The following MYH3 variants were observed in gnomAD, a reference collection of about 807,000 sequenced individuals.
The protein encoded by MYH3 is myosin heavy chain 3.
In MYH3, 130 loss-of-function variants were observed where a neutral mutation model predicts 238.0. The ratio of observed to expected loss-of-function variants is 0.55; its 90% CI spans 0.47 to 0.63. The LOEUF (loss-of-function observed/expected upper bound fraction) is 0.63. Ranked by LOEUF, MYH3 falls within the 30% of genes least tolerant of loss-of-function variation. The pLI is 0.00. For missense variants in MYH3, 1,853 were observed against 2,374.9 expected (o/e 0.78, Z 4.57); for synonymous variants, 880 against 924.1 (o/e 0.95, Z 0.86).
At chr17:10,635,618 T>C in intron 29 of MYH3, 55 bp from the exon 30 acceptor site, 2 of 1,614,112 alleles carry the variant, frequency 1.2e-6, no homozygotes, top group Non-Finnish European at 1.7e-6. Context: ...AGGTGCATGA[T>C]ACAATCCAAG....
At chr17:10,663,254 G>A in the MYH3 span, among the ~76,000 whole-genome samples, 1 of 152,138 alleles carries the variant, frequency 6.6e-6, no homozygotes, top group Admixed American at 6.6e-5. Context: ...AGTGAGAAGA[G>A]GCAGACATAT....
At chr17:10,656,684 T>C (rs939034777) in intron 1 of MYH3, among the ~76,000 whole-genome samples, 2 of 152,218 alleles carry the variant, frequency 1.3e-5, no homozygotes, top group African/African-American at 4.8e-5. Flanking sequence ...CAGCCTGCAC[T>C]GGCACCTTCT....
At chr17:10,671,402 G>A in the MYH3 span, among the ~76,000 whole-genome samples, 6 of 151,956 alleles carry the variant, frequency 3.9e-5, no homozygotes, top group South Asian at 2.1e-4. Flanking sequence ...ACATTCCATC[G>A]CTTTCCATGT....
the MYH3 span, chr17:10,677,649 GC>G: frequency 4.6e-5 from 7 of 152,276 alleles, no homozygotes; most frequent in East Asian, 7.7e-4. Context: ...TAAGATATCA[GC>G]TGCTTCATGA....
At chr17:10,660,656 G>A (rs375646291), upstream of MYH3, among the ~76,000 whole-genome samples, 256 of 136,370 alleles carry the variant, frequency 1.9e-3, 1 homozygote, top group African/African-American at 5.7e-3. Context: ...CAGGCTGGGC[G>A]ACAGAGTGAG....
At chr17:10,666,222 A>C in the MYH3 span, among the ~76,000 whole-genome samples, 1 of 152,244 alleles carries the variant, frequency 6.6e-6, no homozygotes, top group Non-Finnish European at 1.5e-5. Context: ...TAAAATAAAA[A>C]ACAATAGATA....
chr17:10,646,694 T>C (rs567247478), intron 10 of MYH3, among the ~76,000 whole-genome samples: 2 of 152,324 alleles, frequency 1.3e-5, no homozygotes, highest in South Asian at 2.1e-4. Context: ...TTGCCCTCCA[T>C]TTGATTAGGT....
At chr17:10,635,264 C>T in intron 30 of MYH3, 103 bp downstream of exon 30, 2 of 1,581,544 alleles carry the variant, frequency 1.3e-6, no homozygotes, top group East Asian at 4.5e-5. Context: ...TGGCCCAGCA[C>T]CGCATTTAAA....
In MYH3 at chr17:10,628,566, G is replaced by A; in HGVS notation, c.*87C>T. ...AGCAAAGTTTATTGCATGTGAAAAA[G>A]AGTCACATGGACATTAAGTATCAAT... On this transcript the variant is annotated 3_prime_UTR_variant, in exon 41 of 41. Transcript: ENST00000583535. The A allele has an allele frequency of 7.0e-7, 1 of 1,428,368 alleles. No individual in the cohort carries two copies. Among genetic ancestry groups the A allele is most frequent in the Non-Finnish European group, 9.9e-7 (1 of 1,010,788 alleles). The allele number at this position is 1,428,368 out of a possible 1,614,324, so 88.5% of individuals were successfully genotyped here.
Position 10,644,838 on chromosome 17 carries a change from A to G in MYH3, c.1142-136T>C, listed in dbSNP as rs533251917. On this transcript the variant is annotated intron_variant, in intron 12 of 40. Coordinates refer to ENST00000583535, the MANE Select transcript of MYH3 (RefSeq NM_002470.4). ...TGGCTAAACTGCATATACATGGCCA[A>G]TGGAAGCTAAGTCACTCAGAGAATA... 4.6e-5 allele frequency: 34 copies of G among 733,524 alleles called. No homozygotes were observed. In the African/African-American group the frequency reaches 4.9e-4, roughly 10 times the overall value. The allele number at this position is 733,524 out of a possible 1,614,324, so 45.4% of individuals were successfully genotyped here.
chr17:10,635,026 T>TA lies in MYH3; in HGVS notation c.4173-4dup. 1 of 1,613,848 alleles carries TA rather than the reference T, an allele frequency of 6.2e-7. No homozygotes were observed. The highest frequency in any genetic ancestry group is 8.5e-7 in the Non-Finnish European group (1 of 1,179,824). ...GAAGGCGCTGAGCAAGTTTTTTCCT[T>TA]AAAGAATATGAAAGAGAAGCAGCTG... On this transcript the variant is annotated splice_polypyrimidine_tract_variant and splice_region_variant and intron_variant, in intron 30 of 40. Transcript: ENST00000583535.
the MYH3 span, chr17:10,672,922 A>C: frequency 1.3e-5 from 2 of 152,052 alleles, no homozygotes; most frequent in African/African-American, 4.8e-5. Flanking sequence ...TACATAAAAC[A>C]CTCAAAAGAG....
At chr17:10,663,884 G>C in the MYH3 span, among the ~76,000 whole-genome samples, 1 of 151,888 alleles carries the variant, frequency 6.6e-6, no homozygotes, top group Admixed American at 6.6e-5. Flanking sequence ...CCAACATGGT[G>C]AAATGCCGTC....
intron 1 of MYH3, among the ~76,000 whole-genome samples, chr17:10,656,451 C>A (rs1301281293): frequency 1.3e-5 from 2 of 149,658 alleles, no homozygotes; most frequent in Admixed American, 1.3e-4. Flanking sequence ...GCAGGAGAAT[C>A]ATTTGAACCT....
chr17:10,636,996 G>A (rs1227168864), intron 28 of MYH3, among the ~76,000 whole-genome samples: 2 of 151,794 alleles, frequency 1.3e-5, no homozygotes, highest in Admixed American at 6.6e-5. Context: ...ATTCACCTGT[G>A]AGGATGCACC....
At chr17:10,650,306 C>A in intron 6 of MYH3, 68 bp downstream of exon 6, 1 of 1,500,758 alleles carries the variant, frequency 6.7e-7, no homozygotes, top group Non-Finnish European at 9.3e-7. Context: ...CTGCTCCAAA[C>A]ACTTTCTAAT....
the MYH3 span, among the ~76,000 whole-genome samples, chr17:10,668,244 A>G: frequency 6.6e-6 from 1 of 152,156 alleles, no homozygotes; most frequent in Admixed American, 6.5e-5. Flanking sequence ...AAAATACAAA[A>G]ATTAGCTGGG....
the MYH3 span, chr17:10,674,356 G>A: frequency 7.4e-5 from 14 of 188,208 alleles, no homozygotes; most frequent in Non-Finnish European, 1.4e-4. Flanking sequence ...AACCAGGGAG[G>A]TGGAGGTTGC....
Position 10,641,367 on chromosome 17 carries a change from G to A in MYH3, c.1965C>T (p.Asn655=), listed in dbSNP as rs565319276. The A allele has an allele frequency of 1.9e-5, 29 of 1,563,256 alleles. No individual in the cohort carries two copies. In the South Asian group the frequency reaches 2.8e-4, roughly 15 times the overall value. ...FQTVSALFRE[N]LNKLMSNLRT... ...TTAAATTTGACATCAGCTTGTTCAG[G>A]TTTTCCTAAGAGAAAAAAAAAATGA... The change falls in exon 18 of 41, where the codon AAC becomes AAT. Residue 655 remains asparagine (N), a synonymous_variant. Transcript: ENST00000583535.
Sources: gnomAD v4.1 joint callset for allele counts (sites outside exome capture counted in the v4.1 genomes callset) on GRCh38, gnomAD v4.1.1 for gene constraint, MANE v1.5 for transcripts, NCBI Gene and HGNC (gene_info 2026-07-23, HGNC 2026-07-21) for gene names.